The following PHTF2 variants were observed in gnomAD, a reference collection of about 807,000 sequenced individuals.
PHTF2 encodes the protein protein PHTF2.
In PHTF2, 60 loss-of-function variants were observed where a neutral mutation model predicts 101.2. The ratio of observed to expected loss-of-function variants is 0.59; its 90% CI spans 0.48 to 0.73. The LOEUF (loss-of-function observed/expected upper bound fraction) is 0.73, where lower values mean the gene tolerates loss of function less well. PHTF2 is among the 30% of genes least tolerant of loss of function. The pLI is 0.00. For synonymous variants in PHTF2, 311 were observed against 307.3 expected, an observed-to-expected ratio of 1.01 and a Z score of -0.13; for missense variants, 747 against 908.7, an observed-to-expected ratio of 0.82 and a Z score of 2.29.
At chr7:77,858,743 C>A (rs1323185966) in intron 3 of PHTF2, among the ~76,000 whole-genome samples, 1 of 151,254 alleles carries the variant, frequency 6.6e-6, no homozygotes, top group South Asian at 2.1e-4. Flanking sequence ...AGAGTACCAC[C>A]ATACATTTAA....
rs375131045 is a variant in PHTF2, at chr7:77,910,315, C to A, written c.682C>A (p.Gln228Lys). Residue 228 changes from glutamine to lysine, a missense_variant, in exon 9 of 20, where the codon CAA (glutamine) becomes AAA (lysine). Physicochemically the swap from Gln to Lys is moderately conservative, Grantham distance 53. Coordinates refer to ENST00000416283, the Ensembl canonical transcript of PHTF2. ...TGGTTCTAGTACCACAGATAACACACAAGAGGGAGCAGTTCAGAACCACGG... is the reference window on the plus strand; with the variant it reads ...TGGTTCTAGTACCACAGATAACACAAAAGAGGGAGCAGTTCAGAACCACGG... 1.0e-4 allele frequency: 168 copies of A among 1,613,286 alleles called. No homozygotes were observed. The highest frequency in any genetic ancestry group is 1.4e-4 in the Non-Finnish European group (163 of 1,179,340).
At chr7:77,878,847 C>T (rs116651734) in intron 3 of PHTF2, among the ~76,000 whole-genome samples, 2 of 152,126 alleles carry the variant, frequency 1.3e-5, no homozygotes, top group Non-Finnish European at 2.9e-5. Flanking sequence ...AGATTTATTT[C>T]TTTAAGTATT....
At chr7:77,927,553 G>A (rs374037413) in intron 11 of PHTF2, among the ~76,000 whole-genome samples, 5 of 152,026 alleles carry the variant, frequency 3.3e-5, no homozygotes, top group African/African-American at 1.2e-4. Flanking sequence ...TGAAGATCAC[G>A]TGCCACTGCA....
At chr7:77,919,598 G>A (rs1803254024) in intron 9 of PHTF2, among the ~76,000 whole-genome samples, 1 of 151,626 alleles carries the variant, frequency 6.6e-6, no homozygotes, top group Admixed American at 6.6e-5. Flanking sequence ...TATTTCCCAT[G>A]TTGTATTTTA....
chr7:77,899,786 T>C (rs886517771), intron 5 of PHTF2, among the ~76,000 whole-genome samples: 2 of 152,200 alleles, frequency 1.3e-5, no homozygotes, highest in Non-Finnish European at 2.9e-5. Flanking sequence ...GCACAGTTAC[T>C]TGCTTAATTG....
intron 3 of PHTF2, among the ~76,000 whole-genome samples, chr7:77,893,319 T>G (rs145791871): frequency 2.0e-5 from 3 of 152,288 alleles, no homozygotes; most frequent in African/African-American, 7.2e-5. Context: ...GAGGGATTTT[T>G]AAAACATAGG....
intron 2 of PHTF2, among the ~76,000 whole-genome samples, chr7:77,852,003 A>C (rs976256127): frequency 6.6e-6 from 1 of 151,924 alleles, no homozygotes; most frequent in African/African-American, 2.4e-5. Flanking sequence ...TTTAATTTCC[A>C]TGTGTTTGTG....
intron 1 of PHTF2, among the ~76,000 whole-genome samples, chr7:77,816,957 C>T (rs1793898807): frequency 6.6e-6 from 1 of 152,200 alleles, no homozygotes; most frequent in Non-Finnish European, 1.5e-5. Flanking sequence ...TTTTCTTTAT[C>T]CATTCATCTG....
chr7:77,824,415 G>T (rs1794549419), intron 1 of PHTF2, among the ~76,000 whole-genome samples: 1 of 152,128 alleles, frequency 6.6e-6, no homozygotes, highest in Non-Finnish European at 1.5e-5. Context: ...AGAAGTAAAA[G>T]TGCAGCTGTT....
chr7:77,920,357 T>C (rs1418216698), exon 10 of PHTF2: 1 of 1,610,364 alleles, frequency 6.2e-7, no homozygotes, highest in Non-Finnish European at 8.5e-7. Context: ...GGAAGAAGAC[T>C]GTTAAAAGCG....
chr7:77,888,337 A>G (rs568034970), intron 3 of PHTF2, among the ~76,000 whole-genome samples: 25 of 152,304 alleles, frequency 1.6e-4, no homozygotes, highest in African/African-American at 5.8e-4. Flanking sequence ...GCTGGTCTGA[A>G]TGGTCTGACC....
chr7:77,903,680 CTTAG>C (rs1185718814), intron 7 of PHTF2, among the ~76,000 whole-genome samples: 1 of 152,162 alleles, frequency 6.6e-6, no homozygotes, highest in Non-Finnish European at 1.5e-5. Context: ...CCTAGTAAAG[CTTAG>C]TTAGAGAAAT....
chr7:77,930,099 G>A (rs764925679), intron 12 of PHTF2, among the ~76,000 whole-genome samples: 5 of 151,632 alleles, frequency 3.3e-5, no homozygotes, highest in Non-Finnish European at 5.9e-5. Context: ...GATTACAGGC[G>A]CCCGCCACCA....
intron 3 of PHTF2, among the ~76,000 whole-genome samples, chr7:77,889,741 C>T (rs1438499222): frequency 5.9e-5 from 9 of 151,876 alleles, no homozygotes; most frequent in Admixed American, 2.0e-4. Context: ...CAGGTCTGCA[C>T]GACTACGCCT....
At chr7:77,808,927 A>G (rs1370651762) in intron 1 of PHTF2, among the ~76,000 whole-genome samples, 1 of 152,218 alleles carries the variant, frequency 6.6e-6, no homozygotes, top group Admixed American at 6.5e-5. Flanking sequence ...ATGGAGAGGA[A>G]TAATCTGGTT....
chr7:77,870,640 A>G (rs1182218622), intron 3 of PHTF2, among the ~76,000 whole-genome samples: 1 of 152,158 alleles, frequency 6.6e-6, no homozygotes, highest in Non-Finnish European at 1.5e-5. Flanking sequence ...ACACCCTCAC[A>G]GACACACCCA....
chr7:77,836,974 CA>C (rs60178398), intron 1 of PHTF2, among the ~76,000 whole-genome samples: 22,800 of 89,438 alleles, frequency 0.25, 2,169 homozygotes, highest in African/African-American at 0.38. Flanking sequence ...ATAAAAAAAG[CA>C]AAAAAAAAAA....
chr7:77,897,986 G>GTT (rs35435936), intron 5 of PHTF2, among the ~76,000 whole-genome samples: 47 of 137,834 alleles, frequency 3.4e-4, no homozygotes, highest in Admixed American at 8.0e-4. Flanking sequence ...CTGGCCTTCT[G>GTT]TTTTTTTTTT....
At chr7:77,801,241 G>A (rs1792524637) in intron 1 of PHTF2, among the ~76,000 whole-genome samples, 1 of 152,154 alleles carries the variant, frequency 6.6e-6, no homozygotes, top group Non-Finnish European at 1.5e-5. Flanking sequence ...CTAAAATCTG[G>A]AACCTTTTGA....
Sources: allele counts gnomAD v4.1 joint callset (sites outside exome capture counted in the v4.1 genomes callset), GRCh38; gene constraint gnomAD v4.1.1; transcripts MANE v1.5; gene names NCBI Gene and HGNC (gene_info 2026-07-23, HGNC 2026-07-21).